ATAD2B: variants seen among roughly 807,000 people sequenced by gnomAD.
ATAD2B encodes ATPase family AAA domain-containing protein 2B.
ATAD2B carries 40 observed loss-of-function variants against 167.6 expected under a neutral mutation model. The ratio of observed to expected loss-of-function variants is 0.24; its 90% CI spans 0.19 to 0.31. ATAD2B has a LOEUF of 0.31. Ranked by LOEUF, ATAD2B falls within the 10% of genes least tolerant of loss-of-function variation. The pLI, the probability that ATAD2B is intolerant of heterozygous loss-of-function variation, is 1.00. For synonymous variants in ATAD2B, 579 were observed against 596.5 expected, an observed-to-expected ratio of 0.97 and a Z score of 0.43; for missense variants, 1,242 against 1,757.2, an observed-to-expected ratio of 0.71 and a Z score of 5.24.
At chr2:23,872,167 T>C (rs1696087861) in intron 8 of ATAD2B, 1 of 300,704 alleles carries the variant, frequency 3.3e-6, no homozygotes, top group Non-Finnish European at 6.5e-6. Context: ...TGAGCCACCA[T>C]GCCCAGCCTG....
At position 23,906,337 on chromosome 2, in the gene ATAD2B, T is replaced by C. The variant is rs147711631; in HGVS notation, c.217-10367A>G. Among the ~76,000 whole-genome samples, 1,067 of 151,448 alleles carry C rather than the reference T, an allele frequency of 7.0e-3. 19 individuals carry two copies. The highest frequency in any genetic ancestry group is 0.024 in the African/African-American group (1,010 of 41,310). On this transcript the variant is annotated intron_variant, in intron 1 of 27. Transcript: ENST00000238789. ...GCCTGGGCAAGAGAGGAAGACTCCG[T>C]CTCAAAAAAAAAAGAAAGGTCATTT...
chr2:23,872,180 T>C (rs535637594), intron 8 of ATAD2B: 26 of 299,450 alleles, frequency 8.7e-5, no homozygotes, highest in Middle Eastern at 1.2e-3. Context: ...CCAGCCTGTT[T>C]CTGTTTTTAT....
chr2:23,748,471 C>T (rs1200338662), downstream of ATAD2B, among the ~76,000 whole-genome samples: 3 of 152,144 alleles, frequency 2.0e-5, no homozygotes, highest in African/African-American at 7.2e-5. Flanking sequence ...ACTAAAACCA[C>T]GCTTTCTCAA....
chr2:23,820,944 G>A (rs1022296027), intron 16 of ATAD2B, among the ~76,000 whole-genome samples: 5 of 151,796 alleles, frequency 3.3e-5, no homozygotes, highest in African/African-American at 1.2e-4. Context: ...GCCAGACTCC[G>A]TCTCAAAACA....
intron 12 of ATAD2B, among the ~76,000 whole-genome samples, chr2:23,858,784 G>A (rs982661294): frequency 6.6e-6 from 1 of 152,068 alleles, no homozygotes; most frequent in African/African-American, 2.4e-5. Context: ...TGTCCAGCCT[G>A]CCTCATTCGT....
chr2:23,835,611 A>G (rs1048357042), intron 13 of ATAD2B, among the ~76,000 whole-genome samples: 3 of 152,186 alleles, frequency 2.0e-5, no homozygotes. Context: ...CTTTGTAAAT[A>G]TACTGAAAGT....
At chr2:23,692,239 C>G in the ATAD2B span, among the ~76,000 whole-genome samples, 3 of 152,210 alleles carry the variant, frequency 2.0e-5, no homozygotes, top group Non-Finnish European at 4.4e-5. Context: ...CTGAACAAAG[C>G]AGCCCAAACT....
intron 2 of ATAD2B, among the ~76,000 whole-genome samples, chr2:23,893,638 CT>C (rs1227879077): frequency 6.7e-6 from 1 of 148,276 alleles, no homozygotes; most frequent in Non-Finnish European, 1.5e-5. Flanking sequence ...ACTCAGACTC[CT>C]AGATGAATAA....
chr2:23,755,761 C>G (rs1675877069), intron 25 of ATAD2B, among the ~76,000 whole-genome samples: 1 of 152,134 alleles, frequency 6.6e-6, no homozygotes, highest in Admixed American at 6.6e-5. Flanking sequence ...AGCAAACGAA[C>G]CAAAGTATTG....
downstream of ATAD2B, chr2:23,748,632 A>T (rs1675050454): frequency 1.3e-5 from 2 of 152,224 alleles, no homozygotes; most frequent in African/African-American, 4.8e-5. Context: ...ATTTGTAGCC[A>T]ACAGTGATCA....
chr2:23,816,862 A>G (rs1029456616), intron 17 of ATAD2B, among the ~76,000 whole-genome samples: 1 of 152,148 alleles, frequency 6.6e-6, no homozygotes, highest in African/African-American at 2.4e-5. Context: ...AACCTTAACT[A>G]TCTTGACTTC....
downstream of ATAD2B, among the ~76,000 whole-genome samples, chr2:23,745,201 C>T (rs1320143412): frequency 3.9e-5 from 6 of 151,978 alleles, no homozygotes; most frequent in Non-Finnish European, 5.9e-5. Flanking sequence ...GCAGGAGAAT[C>T]GCTGGAACCT....
At chr2:23,743,492 G>A in the ATAD2B span, among the ~76,000 whole-genome samples, 2 of 151,556 alleles carry the variant, frequency 1.3e-5, no homozygotes, top group African/African-American at 2.4e-5. Context: ...GAACCCGGGA[G>A]GTGGAGGTTA....
intron 6 of ATAD2B, among the ~76,000 whole-genome samples, chr2:23,882,031 G>C (rs913095747): frequency 7.6e-6 from 1 of 130,848 alleles, no homozygotes; most frequent in East Asian, 2.4e-4. Context: ...TTTTAAAAAT[G>C]ATTTGGCAAT....
chr2:23,804,030 GCAAAAAGGAAGAAC>G (rs1379190482), intron 18 of ATAD2B, among the ~76,000 whole-genome samples: 1 of 152,122 alleles, frequency 6.6e-6, no homozygotes, highest in East Asian at 1.9e-4. Flanking sequence ...GAAAGGTGAA[GCAAAAAGGAAGAAC>G]CAAAAAGGAA....
rs368365918 is a variant in ATAD2B at position 23,926,957 on chromosome 2, C to T, written c.-187G>A. 411 of 660,976 alleles carry T rather than the reference C, an allele frequency of 6.2e-4. 5 individuals carry two copies. In the South Asian group the frequency reaches 9.6e-3, roughly 15 times the overall value. 40.9% of individuals were successfully genotyped at this position (660,976 alleles called of 1,614,324 possible). A position where few individuals can be genotyped will look rare whatever the true frequency, so the allele number is the denominator to read the frequency against. On this transcript the variant is annotated 5_prime_UTR_variant, in exon 1 of 28. Coordinates refer to ENST00000238789, the MANE Select transcript of ATAD2B (RefSeq NM_017552.4). ...AGGAAGGGAAGTCGGCGTGAGCAGG[C>T]GGCGTGCGGGAAGCGGGGGCGGTGC...
chr2:23,721,046 G>A, the ATAD2B span, among the ~76,000 whole-genome samples: 6,205 of 144,880 alleles, frequency 0.043, 190 homozygotes, highest in East Asian at 0.16. Flanking sequence ...CTGCACAGTA[G>A]GAGACTGACT....
chr2:23,867,264 A>G (rs1275228897), intron 10 of ATAD2B, among the ~76,000 whole-genome samples: 1 of 152,112 alleles, frequency 6.6e-6, no homozygotes, highest in Non-Finnish European at 1.5e-5. Flanking sequence ...TCCATTATCT[A>G]CCTAGTCACC....
intron 7 of ATAD2B, among the ~76,000 whole-genome samples, chr2:23,876,673 T>C (rs183899541): frequency 5.9e-5 from 9 of 152,202 alleles, no homozygotes; most frequent in African/African-American, 1.7e-4. Context: ...AAAATGAAAA[T>C]AAAAATTTTG....
Sources: gnomAD v4.1 joint callset for allele counts (sites outside exome capture counted in the v4.1 genomes callset) on GRCh38, gnomAD v4.1.1 for gene constraint, MANE v1.5 for transcripts, NCBI Gene and HGNC (gene_info 2026-07-23, HGNC 2026-07-21) for gene names.